PDPN: variants seen among roughly 807,000 people sequenced by gnomAD.
The protein encoded by PDPN is PA2.26 antigen.
In PDPN, 12 loss-of-function variants were observed where a neutral mutation model predicts 23.2. The ratio of observed to expected loss-of-function variants is 0.52; its 90% CI spans 0.33 to 0.84. The LOEUF (loss-of-function observed/expected upper bound fraction) is 0.84. Ranked by LOEUF, PDPN falls within the 40% of genes least tolerant of loss-of-function variation. The pLI, the probability that PDPN is intolerant of heterozygous loss-of-function variation, is 0.02. For missense variants in PDPN, 199 were observed against 212.2 expected (o/e 0.94, Z 0.39); for synonymous variants, 77 against 76.7 (o/e 1.00, Z -0.02).
At chr1:13,597,433 A>G (rs189061820) in intron 1 of PDPN, among the ~76,000 whole-genome samples, 1 of 152,326 alleles carries the variant, frequency 6.6e-6, no homozygotes, top group Admixed American at 6.5e-5. Context: ...TGTTTACTTT[A>G]AAAATCAGCA....
chr1:13,590,208 G>C (rs927623644), intron 1 of PDPN, among the ~76,000 whole-genome samples: 31 of 152,224 alleles, frequency 2.0e-4, no homozygotes, highest in African/African-American at 7.5e-4. Context: ...CTGATGATGT[G>C]TATCCCCAGT....
intron 3 of PDPN, among the ~76,000 whole-genome samples, chr1:13,610,807 G>A (rs577174279): frequency 1.3e-5 from 2 of 151,978 alleles, no homozygotes; most frequent in Admixed American, 6.5e-5. Flanking sequence ...AGAATGTGAC[G>A]TGAAGAACTT....
In PDPN at chr1:13,615,887, C is replaced by G; in HGVS notation, c.483-18C>G. The G allele has an allele frequency of 6.2e-7, 1 of 1,611,604 alleles. No homozygotes were observed. The highest frequency in any genetic ancestry group is 1.1e-5 in the South Asian group (1 of 91,034). The stretch of plus-strand genomic sequence containing the variant: ...TGCCAGTAAGAGACACGACCGTCAC[C>G]CTTCTCTATTTTCACAGGCCCTAAA... On this transcript the variant is annotated intron_variant, in intron 5 of 5. Transcript: ENST00000621990.
rs142619173 is a variant in PDPN, at chr1:13,611,073, C to T, written c.331+557C>T. On this transcript the variant is annotated intron_variant, in intron 3 of 5. Transcript: ENST00000621990. ...CGTCTCTACTGAAAATACTAAAAAT[C>T]AGCCGGGAGTGGTGGCGGGCGCCTG... 3.6e-3 allele frequency among the ~76,000 whole-genome samples: 544 copies of T among 152,034 alleles called. 2 individuals carry two copies. The highest frequency in any genetic ancestry group is 0.012 in the African/African-American group (508 of 41,486).
At chr1:13,588,052 A>G (rs1338022103) in intron 1 of PDPN, among the ~76,000 whole-genome samples, 1 of 152,102 alleles carries the variant, frequency 6.6e-6, no homozygotes, top group Non-Finnish European at 1.5e-5. Context: ...GGTATGGCCA[A>G]CTCGTTCATG....
chr1:13,595,828 G>C (rs1483153218), intron 1 of PDPN: 4 of 1,270,718 alleles, frequency 3.1e-6, no homozygotes, highest in East Asian at 1.1e-4. Flanking sequence ...TCATTACAGG[G>C]GAAGGCGTTT....
intron 1 of PDPN, among the ~76,000 whole-genome samples, chr1:13,595,493 G>A (rs1022262107): frequency 1.6e-4 from 25 of 152,194 alleles, no homozygotes; most frequent in African/African-American, 6.0e-4. Flanking sequence ...GGGGTACTGT[G>A]CAGACTGCCT....
At chr1:13,590,002 A>G (rs1302250211) in intron 1 of PDPN, among the ~76,000 whole-genome samples, 8 of 151,944 alleles carry the variant, frequency 5.3e-5, no homozygotes, top group Non-Finnish European at 1.0e-4. Context: ...TAATTTTTCT[A>G]CGTTTGGTAG....
At chr1:13,590,112 G>A (rs1300644864) in intron 1 of PDPN, among the ~76,000 whole-genome samples, 1 of 152,220 alleles carries the variant, frequency 6.6e-6, no homozygotes, top group Non-Finnish European at 1.5e-5. Flanking sequence ...ACAGGCGTAA[G>A]CCACCGCTCC....
intron 1 of PDPN, among the ~76,000 whole-genome samples, chr1:13,601,366 G>C (rs890837101): frequency 6.6e-6 from 1 of 152,120 alleles, no homozygotes; most frequent in Non-Finnish European, 1.5e-5. Flanking sequence ...CATAGTATTT[G>C]TTTGTTTTGG....
intron 1 of PDPN, among the ~76,000 whole-genome samples, chr1:13,589,078 C>T (rs1162929102): frequency 2.3e-5 from 3 of 130,270 alleles, no homozygotes; most frequent in Admixed American, 1.6e-4. Flanking sequence ...CCCTGCTTAC[C>T]GTTAGTAGGA....
intron 3 of PDPN, 25 bp from the exon 4 acceptor site, chr1:13,613,662 C>T (rs1386260372): frequency 8.8e-7 from 1 of 1,141,834 alleles, no homozygotes; most frequent in Admixed American, 1.8e-5. Context: ...AATAATTCTA[C>T]ATTATTATAT....
At chr1:13,605,479 A>ATT (rs1380452663) in intron 1 of PDPN, among the ~76,000 whole-genome samples, 1 of 152,200 alleles carries the variant, frequency 6.6e-6, no homozygotes, top group African/African-American at 2.4e-5. Flanking sequence ...TTGTTTGGTG[A>ATT]TTTTTGGAGA....
At chr1:13,608,633 G>T (rs1005469484) in intron 2 of PDPN, among the ~76,000 whole-genome samples, 8 of 151,964 alleles carry the variant, frequency 5.3e-5, no homozygotes, top group African/African-American at 1.7e-4. Flanking sequence ...AAAGCTCAGA[G>T]TCGCAGAGAA....
chr1:13,603,456 T>C (rs1016644904), intron 1 of PDPN, among the ~76,000 whole-genome samples: 3 of 152,202 alleles, frequency 2.0e-5, no homozygotes, highest in Non-Finnish European at 4.4e-5. Context: ...AATGCAAAGA[T>C]AAAAGTTATT....
Position 13,604,869 on chromosome 1 carries a change from A to G in PDPN, c.68-2304A>G, listed in dbSNP as rs936098038. On this transcript the variant is annotated intron_variant, in intron 1 of 5. Coordinates refer to ENST00000621990, the MANE Select transcript of PDPN (RefSeq NM_006474.5). ...AAGTCATACATTTTTGTAGGAGCCA[A>G]TCACCAACCCTCACCTCTACCCCTA... Among the ~76,000 whole-genome samples the G allele has an allele frequency of 3.3e-5, 5 of 152,186 alleles. No homozygotes were observed. In the South Asian group the frequency reaches 6.2e-4, roughly 19 times the overall value.
At chr1:13,590,916 C>T (rs11804743) in intron 1 of PDPN, among the ~76,000 whole-genome samples, 13,117 of 151,580 alleles carry the variant, frequency 0.087, 577 homozygotes, top group South Asian at 0.13. Context: ...AATGTGGTGA[C>T]AACAGAAAGC....
intron 1 of PDPN, chr1:13,584,419 G>T: frequency 9.9e-7 from 1 of 1,015,204 alleles, no homozygotes; most frequent in Non-Finnish European, 1.4e-6. Context: ...AGGCAGCCCC[G>T]CTTGCTGGCA....
chr1:13,609,626 T>C (rs1640882601), intron 2 of PDPN, among the ~76,000 whole-genome samples: 1 of 152,208 alleles, frequency 6.6e-6, no homozygotes, highest in Non-Finnish European at 1.5e-5. Context: ...ACTGTTCTAC[T>C]TTCTATCTTA....
Sources: gnomAD v4.1 joint callset for allele counts (sites outside exome capture counted in the v4.1 genomes callset) on GRCh38, gnomAD v4.1.1 for gene constraint, MANE v1.5 for transcripts, NCBI Gene and HGNC (gene_info 2026-07-23, HGNC 2026-07-21) for gene names.